Variants in NDUFA5 observed in about 807,000 individuals in gnomAD.
NDUFA5 encodes the protein NADH:ubiquinone oxidoreductase subunit A5.
In NDUFA5, 11 loss-of-function variants were observed where a neutral mutation model predicts 19.8. The ratio of observed to expected loss-of-function variants is 0.56; its 90% CI spans 0.35 to 0.92. The LOEUF (loss-of-function observed/expected upper bound fraction) is 0.92, where lower values mean the gene tolerates loss of function less well. Ranked by LOEUF, NDUFA5 falls within the 40% of genes least tolerant of loss-of-function variation. The probability of loss-of-function intolerance (pLI) is 0.01; values close to 1 mark genes in which losing one functional copy is unlikely to be tolerated. For synonymous variants in NDUFA5, 47 were observed against 46.8 expected, an observed-to-expected ratio of 1.00 and a Z score of -0.01; for missense variants, 109 against 134.2, an observed-to-expected ratio of 0.81 and a Z score of 0.93.
chr7:123,540,593 T>C lies in NDUFA5; in HGVS notation c.*1526A>G, dbSNP rs976482450. 1.2e-4 allele frequency: 19 copies of C among 152,234 alleles called. No individual in the cohort carries two copies. The highest frequency in any genetic ancestry group is 4.1e-4 in the African/African-American group (17 of 41,530). The allele number at this position is 152,234 out of a possible 1,614,324, so 9.4% of individuals were successfully genotyped here. A position where few individuals can be genotyped will look rare whatever the true frequency, so the allele number is the denominator to read the frequency against. ...ACTGAAAATGTTGTTATAAATCATA[T>C]TCTATTTCTTTTGCAGCATTAGAAA... On this transcript the variant is annotated 3_prime_UTR_variant, in exon 5 of 5. Coordinates refer to ENST00000355749, the MANE Select transcript of NDUFA5 (RefSeq NM_005000.5).
the NDUFA5 span, among the ~76,000 whole-genome samples, chr7:123,599,664 T>C: frequency 6.6e-6 from 1 of 152,216 alleles, no homozygotes; most frequent in Non-Finnish European, 1.5e-5. Context: ...CCAAGGACAG[T>C]TCTTCTAACA....
intron 3 of NDUFA5, among the ~76,000 whole-genome samples, chr7:123,548,526 C>T (rs936014963): frequency 1.3e-5 from 2 of 152,132 alleles, no homozygotes; most frequent in African/African-American, 4.8e-5. Flanking sequence ...AACGTAAAGG[C>T]ATTCCAGGAA....
chr7:123,545,679 A>G lies in NDUFA5; in HGVS notation c.184-3T>C. The G allele has an allele frequency of 6.2e-7, 1 of 1,602,940 alleles. No individual in the cohort carries two copies. Among genetic ancestry groups the G allele is most frequent in the South Asian group, 1.1e-5 (1 of 90,180 alleles). On this transcript the variant is annotated splice_region_variant and splice_polypyrimidine_tract_variant and intron_variant, in intron 3 of 4. Transcript: ENST00000355749. ...TCTAATTTTTTAACATCTGGTTCCT[A>G]TAATTTCAGGGAGAAAAAAAATTAA... is the stretch of plus-strand genomic sequence containing the variant.
At chr7:123,556,823 A>G in intron 2 of NDUFA5, 1 of 498,916 alleles carries the variant, frequency 2.0e-6, no homozygotes, top group Non-Finnish European at 3.9e-6. Flanking sequence ...AACTTGAAAA[A>G]CGCCAAGGGT....
the NDUFA5 span, among the ~76,000 whole-genome samples, chr7:123,564,759 G>A: frequency 1.3e-5 from 2 of 151,988 alleles, no homozygotes; most frequent in South Asian, 2.1e-4. Flanking sequence ...TGGACTTAAC[G>A]ATTGTTTGCC....
At chr7:123,586,033 G>A in the NDUFA5 span, among the ~76,000 whole-genome samples, 2 of 151,748 alleles carry the variant, frequency 1.3e-5, no homozygotes, top group Non-Finnish European at 2.9e-5. Context: ...ATGCTGCAAT[G>A]AATATGGAAG....
chr7:123,588,647 T>C, the NDUFA5 span, among the ~76,000 whole-genome samples: 1 of 151,316 alleles, frequency 6.6e-6, no homozygotes, highest in Admixed American at 6.6e-5. Flanking sequence ...TTTCTAGTTG[T>C]TTGAGGTATA....
the NDUFA5 span, among the ~76,000 whole-genome samples, chr7:123,592,121 T>A: frequency 9.5e-3 from 1,446 of 152,350 alleles, 22 homozygotes; most frequent in African/African-American, 0.033. Flanking sequence ...GTAGTTTGTA[T>A]TTCTGTGGGA....
At chr7:123,558,428 G>T (rs886649383), upstream of NDUFA5, among the ~76,000 whole-genome samples, 7 of 152,168 alleles carry the variant, frequency 4.6e-5, no homozygotes, top group Admixed American at 4.6e-4. Context: ...CACTCACTAT[G>T]TGTCAGTTAC....
intron 2 of NDUFA5, among the ~76,000 whole-genome samples, chr7:123,551,153 T>C (rs561122022): frequency 2.6e-5 from 4 of 152,066 alleles, no homozygotes; most frequent in East Asian, 1.9e-4. Flanking sequence ...AAACAACTTA[T>C]TGCTAATGAC....
At chr7:123,562,317 T>C (rs932040034), upstream of NDUFA5, among the ~76,000 whole-genome samples, 1 of 152,212 alleles carries the variant, frequency 6.6e-6, no homozygotes, top group Non-Finnish European at 1.5e-5. Context: ...CTTCAACAGC[T>C]GCATAAGCCT....
chr7:123,559,650 G>C (rs1488972094), upstream of NDUFA5, among the ~76,000 whole-genome samples: 2 of 152,010 alleles, frequency 1.3e-5, no homozygotes, highest in East Asian at 3.9e-4. Context: ...TGAGGTCAAG[G>C]GTTTGAGACA....
chr7:123,570,467 C>T, the NDUFA5 span, among the ~76,000 whole-genome samples: 2 of 151,800 alleles, frequency 1.3e-5, no homozygotes, highest in Non-Finnish European at 2.9e-5. Flanking sequence ...ATGTGAGTAG[C>T]CATGTGATGC....
chr7:123,540,890 G>GCGCGCGCGCGCACACA lies in NDUFA5; in HGVS notation c.*1228_*1229insTGTGTGCGCGCGCGCG, dbSNP rs766305834. The GCGCGCGCGCGCACACA allele has an allele frequency of 3.7e-5, 5 of 133,908 alleles. No homozygotes were observed. The highest frequency in any genetic ancestry group is 7.4e-5 in the Admixed American group (1 of 13,458). 8.3% of individuals were successfully genotyped at this position (133,908 alleles called of 1,614,324 possible). A position where few individuals can be genotyped will look rare whatever the true frequency, so the allele number is the denominator to read the frequency against. On this transcript the variant is annotated 3_prime_UTR_variant, in exon 5 of 5. Transcript: ENST00000355749. ...TCTGAGCAAATGTGCGCATGCGCGT[G>GCGCGCGCGCGCACACA]CACACACACACACACACACACACAC...
intron 2 of NDUFA5, chr7:123,555,955 T>C (rs908399669): frequency 4.6e-5 from 7 of 152,194 alleles, no homozygotes; most frequent in African/African-American, 1.7e-4. Context: ...GTGACAAGCA[T>C]TGAGAGGCAG....
the NDUFA5 span, among the ~76,000 whole-genome samples, chr7:123,570,076 C>T: frequency 6.8e-6 from 1 of 145,992 alleles, no homozygotes; most frequent in Non-Finnish European, 1.5e-5. Flanking sequence ...GCTCTGTTGC[C>T]CAGGCTGGCT....
At chr7:123,557,751 AAC>A in intron 1 of NDUFA5, 22 bp downstream of exon 1, 1 of 1,613,968 alleles carries the variant, frequency 6.2e-7, no homozygotes, top group Non-Finnish European at 8.5e-7. Context: ...TCTAAATTCC[AAC>A]AGTGACCTCC....
chr7:123,599,128 AAAG>A, the NDUFA5 span, among the ~76,000 whole-genome samples: 3 of 152,224 alleles, frequency 2.0e-5, no homozygotes, highest in East Asian at 1.9e-4. Flanking sequence ...TACAAAAAAG[AAAG>A]AAGGAGAAAA....
chr7:123,556,757 T>A (rs943720375), intron 2 of NDUFA5: 1 of 450,796 alleles, frequency 2.2e-6, no homozygotes, highest in African/African-American at 2.0e-5. Flanking sequence ...ATTAGGTCAA[T>A]GAAGGTGAGA....
Sources: gnomAD v4.1 joint callset for allele counts (sites outside exome capture counted in the v4.1 genomes callset) on GRCh38, gnomAD v4.1.1 for gene constraint, MANE v1.5 for transcripts, NCBI Gene and HGNC (gene_info 2026-07-23, HGNC 2026-07-21) for gene names.